Variants in TARS2 observed in about 807,000 individuals in gnomAD.
TARS2 encodes the protein threonyl-tRNA synthetase 2, mitochondrial, also known as threonine--tRNA ligase, mitochondrial.
Under a neutral mutation model 94.4 loss-of-function variants are expected in TARS2, and 61 were observed. The ratio of observed to expected loss-of-function variants is 0.65; its 90% CI spans 0.53 to 0.80. TARS2 has a LOEUF of 0.80. Ranked by LOEUF, TARS2 falls within the 30% of genes least tolerant of loss-of-function variation. The probability of loss-of-function intolerance (pLI) is 0.00; values close to 1 mark genes in which losing one functional copy is unlikely to be tolerated. For missense variants in TARS2, 704 were observed against 902.5 expected, an observed-to-expected ratio of 0.78 and a Z score of 2.82; for synonymous variants, 359 against 353.4, an observed-to-expected ratio of 1.02 and a Z score of -0.18.
At chr1:150,504,124 A>C (rs1337407166) in intron 13 of TARS2, among the ~76,000 whole-genome samples, 4 of 152,070 alleles carry the variant, frequency 2.6e-5, no homozygotes, top group Non-Finnish European at 5.9e-5. Context: ...TAACACCATT[A>C]TTAGATGGAG....
At chr1:150,492,272 G>A in intron 6 of TARS2, 139 bp from the exon 7 acceptor site, 1 of 878,634 alleles carries the variant, frequency 1.1e-6, no homozygotes, top group Non-Finnish European at 1.8e-6. Context: ...CCAGGGAATT[G>A]ATTTTTATCT....
intron 3 of TARS2, chr1:150,489,368 G>A: frequency 2.5e-6 from 1 of 407,906 alleles, no homozygotes; most frequent in South Asian, 2.1e-5. Flanking sequence ...CTCAACTCTT[G>A]AGCACGTACA....
intron 2 of TARS2, 62 bp downstream of exon 2, chr1:150,488,116 T>G: frequency 6.4e-7 from 1 of 1,554,982 alleles, no homozygotes. Flanking sequence ...TCTCTTCACT[T>G]GAGCAGGGGA....
In TARS2 at chr1:150,505,551, T is replaced by C. The variant is rs587664720; in HGVS notation, c.1894-40T>C. 8 of 1,561,676 alleles carry C rather than the reference T, an allele frequency of 5.1e-6. No homozygotes were observed. The South Asian group carries it at 7.8e-5, about 15-fold the overall frequency. On this transcript the variant is annotated intron_variant, in intron 16 of 17. Transcript: ENST00000369064. The stretch of plus-strand genomic sequence containing the variant: ...TCAGACTGTTCTAGCTCCTTAACTT[T>C]CCAGTAAATTAACTTCCTGTCACCA...
chr1:150,488,902 A>G (rs1371559966), intron 2 of TARS2, 62 bp from the exon 3 acceptor site: 1 of 1,578,098 alleles, frequency 6.3e-7, no homozygotes, highest in South Asian at 1.2e-5. Flanking sequence ...AACATGTGAT[A>G]TTTTCCTTTT....
chr1:150,496,361 GTGGGA>G, intron 7 of TARS2, 116 bp from the exon 8 acceptor site: 1 of 1,184,086 alleles, frequency 8.4e-7, no homozygotes, highest in Non-Finnish European at 1.2e-6. Flanking sequence ...CATCCTACTG[GTGGGA>G]TTGTTGTCAA....
rs1231890199 is a variant in TARS2 at position 150,503,551 on chromosome 1, G to A, written c.1618-784G>A. On this transcript the variant is annotated intron_variant, in intron 13 of 17. Transcript: ENST00000369064. ...GAAAAAAAAAAATACACATATGTGT[G>A]TGTGTGTGTGTGTGTGTGTGTGTGT... Among the ~76,000 whole-genome samples, 699 of 83,760 alleles carry A rather than the reference G, an allele frequency of 8.3e-3. 12 individuals carry two copies. Among genetic ancestry groups the A allele is most frequent in the African/African-American group, 0.028 (560 of 19,772 alleles). 54.9% of individuals were successfully genotyped at this position (83,760 alleles called of 152,430 possible).
intron 13 of TARS2, among the ~76,000 whole-genome samples, chr1:150,500,267 T>G (rs1669854785): frequency 6.6e-6 from 1 of 152,058 alleles, no homozygotes; most frequent in South Asian, 2.1e-4. Context: ...CCATTTTCAG[T>G]AAAGTAGGGC....
Position 150,487,717 on chromosome 1 carries a change from C to A in TARS2, c.67-141C>A, listed in dbSNP as rs1570827920. 16 of 1,296,770 alleles carry A rather than the reference C, an allele frequency of 1.2e-5. No individual in the cohort carries two copies. In the Middle Eastern group the frequency reaches 8.3e-4, roughly 67 times the overall value. 80.3% of individuals were successfully genotyped at this position (1,296,770 alleles called of 1,614,324 possible). On this transcript the variant is annotated intron_variant, in intron 1 of 17. Coordinates refer to ENST00000369064, the MANE Select transcript of TARS2 (RefSeq NM_025150.5). ...ACTCTGAGCTCGAAGGACCCCCAGCCTAGGGTCTTGTATCACCCAATCCCC... is the reference window on the plus strand; with the variant it reads ...ACTCTGAGCTCGAAGGACCCCCAGCATAGGGTCTTGTATCACCCAATCCCC...
chr1:150,499,028 C>T lies in TARS2; in HGVS notation c.1533C>T (p.Ala511=), dbSNP rs369266206. The stretch of plus-strand genomic sequence containing the variant: ...GGGACCCTTGCCTTTGGGACCAGGC[C>T]GAACAGGTGAGTAGGAGGTAGAGAA... ...FLGDPCLWDQ[A]EQVLKQALKE... Residue 511 remains alanine, a synonymous_variant, in exon 12 of 18, where the codon GCC becomes GCT. Transcript: ENST00000369064. 1.5e-5 allele frequency: 25 copies of T among 1,613,978 alleles called. No homozygotes were observed. The highest frequency in any genetic ancestry group is 1.2e-4 in the African/African-American group (9 of 74,920).
chr1:150,504,914 G>C lies in TARS2; in HGVS notation c.1829G>C (p.Trp610Ser), dbSNP rs1311568721. 1 of 1,614,110 alleles carries C rather than the reference G, an allele frequency of 6.2e-7. No homozygotes were observed. Among genetic ancestry groups the C allele is most frequent in the African/African-American group, 1.3e-5 (1 of 74,938 alleles). The stretch of plus-strand genomic sequence containing the variant: ...TGTTCTTTCCCTACCAGGCCACTGT[G>C]GCTGTCCCCGTTCCAGGTGGTGGTC... ...AESCGGKWPL[W>S]LSPFQVVVIP... Residue 610 changes from tryptophan (W) to serine (S), a missense_variant, in exon 16 of 18, where the codon TGG becomes TCG. Trp to Ser is a radical substitution (Grantham distance 177, BLOSUM62 -3). Transcript: ENST00000369064.
At chr1:150,506,516 A>ACACC (rs1553906095) in intron 17 of TARS2, among the ~76,000 whole-genome samples, 2 of 131,224 alleles carry the variant, frequency 1.5e-5, no homozygotes, top group Non-Finnish European at 3.3e-5. Context: ...ACACACACAC[A>ACACC]GTTTCTCTCT....
rs1669387662 is a variant in TARS2 at position 150,491,623 on chromosome 1, T to C, written c.656T>C (p.Ile219Thr). The C allele has an allele frequency of 1.2e-6, 2 of 1,614,016 alleles. No homozygotes were observed. The highest frequency in any genetic ancestry group is 3.3e-5 in the Admixed American group (2 of 59,988). Residue 219 changes from isoleucine to threonine, a missense_variant, in exon 6 of 18, where the codon ATT becomes ACT. Coordinates refer to ENST00000369064, the MANE Select transcript of TARS2 (RefSeq NM_025150.5). ...GATAACCCCTTTAAGCTTCACTTGA[T>C]TGAGGAGAAAGTGACAGGTCCAACA... ...FKDNPFKLHL[I>T]EEKVTGPTAT...
intron 13 of TARS2, among the ~76,000 whole-genome samples, chr1:150,502,773 G>C (rs1408814856): frequency 1.3e-5 from 2 of 152,046 alleles, no homozygotes; most frequent in Non-Finnish European, 2.9e-5. Flanking sequence ...TCATTTTTAT[G>C]TCCCAAGTGT....
At chr1:150,489,186 T>G (rs1238720560) in intron 3 of TARS2, 99 bp downstream of exon 3, 1 of 1,580,162 alleles carries the variant, frequency 6.3e-7, no homozygotes, top group Admixed American at 1.7e-5. Flanking sequence ...GTTTCTCCAT[T>G]TGCAGTTGGG....
At chr1:150,503,659 G>A (rs1670057935) in intron 13 of TARS2, among the ~76,000 whole-genome samples, 1 of 149,626 alleles carries the variant, frequency 6.7e-6, no homozygotes, top group Non-Finnish European at 1.5e-5. Context: ...GTGTATATAT[G>A]TGTGTATATA....
rs767606755 is a variant in TARS2 at position 150,505,644 on chromosome 1, T to C, written c.1947T>C (p.Ser649=). 1 of 1,614,214 alleles carries C rather than the reference T, an allele frequency of 6.2e-7. No individual in the cohort carries two copies. The highest frequency in any genetic ancestry group is 8.5e-7 in the Non-Finnish European group (1 of 1,180,034). The change falls in exon 17 of 18, where the codon TCT becomes TCC. Residue 649 remains serine (S), a synonymous_variant. Coordinates refer to ENST00000369064, the MANE Select transcript of TARS2 (RefSeq NM_025150.5). ...TGGTCAGTGACCTGGATGCAGACTC[T>C]GGACTGACCCTCAGCCGGAGAATCC... ...AGLVSDLDAD[S]GLTLSRRIRR... is the part of the protein sequence containing the mutation.
At chr1:150,502,357 G>A (rs1396123547) in intron 13 of TARS2, among the ~76,000 whole-genome samples, 8 of 150,176 alleles carry the variant, frequency 5.3e-5, no homozygotes, top group African/African-American at 1.5e-4. Flanking sequence ...GAGTATCTGG[G>A]ACAGGTGTGC....
intron 3 of TARS2, chr1:150,489,368 G>C: frequency 2.5e-6 from 1 of 407,906 alleles, no homozygotes; most frequent in Non-Finnish European, 4.7e-6. Context: ...CTCAACTCTT[G>C]AGCACGTACA....
Sources: gnomAD v4.1 joint callset for allele counts (sites outside exome capture counted in the v4.1 genomes callset) on GRCh38, gnomAD v4.1.1 for gene constraint, MANE v1.5 for transcripts, NCBI Gene and HGNC (gene_info 2026-07-23, HGNC 2026-07-21) for gene names.